ZPLD1: variants seen among roughly 807,000 people sequenced by gnomAD.
The protein encoded by ZPLD1 is zona pellucida-like domain-containing protein 1.
Under a neutral mutation model 47.2 loss-of-function variants are expected in ZPLD1, and 34 were observed. That is an observed-to-expected ratio of 0.72 (90% CI 0.55 to 0.96). The LOEUF is 0.96. Among genes scored for constraint, ZPLD1 ranks in the 40% least tolerant of loss-of-function variants. The probability of loss-of-function intolerance (pLI) is 0.00; values close to 1 mark genes in which losing one functional copy is unlikely to be tolerated. For synonymous variants in ZPLD1, 176 were observed against 186.2 expected, an observed-to-expected ratio of 0.95 and a Z score of 0.45; for missense variants, 512 against 505.8, an observed-to-expected ratio of 1.01 and a Z score of -0.12.
Position 102,477,465 on chromosome 3 carries a change from C to G in ZPLD1, c.1095C>G (p.Phe365Leu), listed in dbSNP as rs199929007. The change falls in exon 12 of 12, where the codon TTC (phenylalanine) becomes TTG (leucine). Residue 365 changes from phenylalanine (F) to leucine (L), a missense_variant. By Grantham distance (22) the Phe-to-Leu change is conservative (BLOSUM62 0). Transcript: ENST00000466937. ...CAGGTTCTCCAAGTATGCCTCCCTT[C>G]CAGCTGAACGCCATCACCAGCGCAC... ...SQLGSPSMPP[F>L]QLNAITSALI... The G allele has an allele frequency of 3.1e-5, 50 of 1,612,846 alleles. No homozygotes were observed. Among genetic ancestry groups the G allele is most frequent in the Middle Eastern group, 1.7e-4 (1 of 6,052 alleles).
rs781373141 is a variant in ZPLD1 at position 102,462,288 on chromosome 3, C to A, written c.590C>A (p.Thr197Asn). 6.2e-7 allele frequency: 1 copy of A among 1,605,910 alleles called. No homozygotes were observed. Among genetic ancestry groups the A allele is most frequent in the South Asian group, 1.1e-5 (1 of 90,086 alleles). ...TLNLLLYNDS[T>N]YNQQLIIPSI... is the part of the protein sequence containing the mutation. ...TTATTGTTTCATCATTAGGATTCAA[C>A]CTACAACCAGCAGTTAATTATCCCC... is the stretch of plus-strand genomic sequence containing the variant. Residue 197 changes from threonine to asparagine, a missense_variant, in exon 7 of 12, where the codon ACC (threonine) becomes AAC (asparagine). By Grantham distance (65) the Thr-to-Asn change is moderately conservative (BLOSUM62 0). Transcript: ENST00000466937.
intron 8 of ZPLD1, among the ~76,000 whole-genome samples, chr3:102,426,611 T>C (rs1004501577): frequency 1.5e-4 from 23 of 152,228 alleles, no homozygotes; most frequent in African/African-American, 5.3e-4. Context: ...GTTATCTTCA[T>C]TTGTCTATGA....
chr3:102,464,189 T>C lies in ZPLD1; in HGVS notation c.699T>C (p.Asp233=). 6.2e-7 allele frequency: 1 copy of C among 1,612,524 alleles called. No homozygotes were observed. Among genetic ancestry groups the C allele is most frequent in the Non-Finnish European group, 8.5e-7 (1 of 1,178,740 alleles). ...NLDGRWNVLM[D]YCYTTPSGNP... The stretch of plus-strand genomic sequence containing the variant: ...CTTTCAGATGGAATGTTTTAATGGA[T>C]TATTGCTATACTACCCCATCAGGAA... Residue 233 remains aspartate, a synonymous_variant, in exon 8 of 12, where the codon GAT becomes GAC. Transcript: ENST00000466937.
chr3:102,388,429 G>GTCTCCCTCTC (rs1706457386), intron 6 of ZPLD1, among the ~76,000 whole-genome samples: 1 of 135,934 alleles, frequency 7.4e-6, no homozygotes, highest in African/African-American at 2.7e-5. Flanking sequence ...CTCTCCTGGA[G>GTCTCCCTCTC]TCTCTCTCTC....
chr3:102,388,036 A>G (rs1706452105), intron 6 of ZPLD1, among the ~76,000 whole-genome samples: 1 of 151,486 alleles, frequency 6.6e-6, no homozygotes, highest in South Asian at 2.1e-4. Context: ...AATTTTTTGT[A>G]TTTTTAGTAG....
intron 3 of ZPLD1, among the ~76,000 whole-genome samples, chr3:102,439,189 T>C (rs186029094): frequency 6.6e-6 from 1 of 152,352 alleles, no homozygotes; most frequent in East Asian, 1.9e-4. Flanking sequence ...TTATATTAGC[T>C]AAAGTAATGG....
chr3:102,421,974 G>A (rs1052761708), intron 8 of ZPLD1, among the ~76,000 whole-genome samples: 5 of 151,970 alleles, frequency 3.3e-5, no homozygotes, highest in African/African-American at 1.2e-4. Flanking sequence ...TGGATAGATT[G>A]ATTTGATGAT....
chr3:102,418,095 G>A (rs1706830946), exon 8 of ZPLD1: 1 of 151,956 alleles, frequency 6.6e-6, no homozygotes, highest in African/African-American at 2.4e-5. Context: ...CTCATTTGAA[G>A]CCTTGACTCT....
intron 7 of ZPLD1, among the ~76,000 whole-genome samples, chr3:102,401,120 A>C (rs1385767263): frequency 6.6e-6 from 1 of 152,074 alleles, no homozygotes; most frequent in African/African-American, 2.4e-5. Context: ...AAAAGCATCA[A>C]AAACTTGCCA....
chr3:102,416,354 A>G (rs1001269543), intron 7 of ZPLD1, among the ~76,000 whole-genome samples: 9 of 151,968 alleles, frequency 5.9e-5, no homozygotes, highest in African/African-American at 2.2e-4. Context: ...TCATTTTCTT[A>G]TAGGACAGAG....
At chr3:102,456,008 C>A (rs1341313136) in intron 4 of ZPLD1, among the ~76,000 whole-genome samples, 185 bp from the exon 5 acceptor site, 2 of 152,090 alleles carry the variant, frequency 1.3e-5, no homozygotes, top group African/African-American at 2.4e-5. Flanking sequence ...TATGAAGTTT[C>A]ATTTACTTAC....
rs138794809 is a variant in ZPLD1, at chr3:102,444,751, A to G, written c.106+6158A>G. ...ACCATGCCACAAAGCACTCTGCAGC[A>G]TACAGAAAAGTTTTCTCCCACTATA... On this transcript the variant is annotated intron_variant, in intron 3 of 11. Coordinates refer to ENST00000466937, the MANE Select transcript of ZPLD1 (RefSeq NM_001329788.2). 4.4e-3 allele frequency among the ~76,000 whole-genome samples: 669 copies of G among 152,356 alleles called. 5 individuals are homozygous for G. The highest frequency in any genetic ancestry group is 0.015 in the African/African-American group (630 of 41,592).
At chr3:102,388,671 A>G (rs888151726) in intron 6 of ZPLD1, among the ~76,000 whole-genome samples, 2 of 152,106 alleles carry the variant, frequency 1.3e-5, no homozygotes, top group African/African-American at 2.4e-5. Context: ...GCTACTTAAT[A>G]TATTTAAAAA....
At chr3:102,415,686 C>T (rs1479658227) in intron 7 of ZPLD1, among the ~76,000 whole-genome samples, 1 of 151,870 alleles carries the variant, frequency 6.6e-6, no homozygotes, top group Non-Finnish European at 1.5e-5. Context: ...CTCCCATAAG[C>T]AAGATCCTAA....
intron 3 of ZPLD1, among the ~76,000 whole-genome samples, chr3:102,449,833 G>T (rs1443696273): frequency 6.6e-6 from 1 of 152,096 alleles, no homozygotes; most frequent in African/African-American, 2.4e-5. Flanking sequence ...TGGGAGTCCT[G>T]GAATGTATCC....
rs1035761977 is a variant in ZPLD1, at chr3:102,407,568, A to G, written c.-156-10492A>G. On this transcript the variant is annotated intron_variant, in intron 7 of 17. Coordinates refer to the ZPLD1 transcript ENST00000491959. ...CAATATTCAGTTCTCAAAAAATTTC[A>G]TTTCAATGATTGATTAATTTATATA... Among the ~76,000 whole-genome samples the G allele has an allele frequency of 3.3e-5, 5 of 150,686 alleles. No individual in the cohort carries two copies. In the East Asian group the frequency reaches 9.9e-4, roughly 30 times the overall value.
chr3:102,397,695 T>C (rs1197985754), intron 7 of ZPLD1, among the ~76,000 whole-genome samples: 1 of 152,168 alleles, frequency 6.6e-6, no homozygotes, highest in Non-Finnish European at 1.5e-5. Flanking sequence ...ATTTAGAAGA[T>C]GACATTATCT....
At chr3:102,433,899 AT>A (rs955271678), upstream of ZPLD1, among the ~76,000 whole-genome samples, 21 of 152,230 alleles carry the variant, frequency 1.4e-4, no homozygotes, top group African/African-American at 3.6e-4. Context: ...ATATTAAAAA[AT>A]ATTTTGTCTC....
At chr3:102,422,199 A>G (rs1420555472) in intron 8 of ZPLD1, among the ~76,000 whole-genome samples, 1 of 152,014 alleles carries the variant, frequency 6.6e-6, no homozygotes, top group Admixed American at 6.6e-5. Context: ...GCTCCTAAAT[A>G]CGAAGATGAA....
Sources: allele counts gnomAD v4.1 joint callset (sites outside exome capture counted in the v4.1 genomes callset), GRCh38; gene constraint gnomAD v4.1.1; transcripts MANE v1.5; gene names NCBI Gene and HGNC (gene_info 2026-07-23, HGNC 2026-07-21).